DCK: variants seen among roughly 807,000 people sequenced by gnomAD.
DCK encodes deoxycytidine kinase.
Under a neutral mutation model 38.3 loss-of-function variants are expected in DCK, and 23 were observed. The observed-to-expected ratio is 0.60, with a 90% CI of 0.43 to 0.85. The LOEUF (loss-of-function observed/expected upper bound fraction) is 0.85. DCK is among the 40% of genes least tolerant of loss of function. The pLI is 0.00. For synonymous variants in DCK, 108 were observed against 100.6 expected, an observed-to-expected ratio of 1.07 and a Z score of -0.44; for missense variants, 259 against 304.4, an observed-to-expected ratio of 0.85 and a Z score of 1.11.
chr4:71,014,293 G>A (rs968923796), intron 2 of DCK, among the ~76,000 whole-genome samples: 2 of 152,138 alleles, frequency 1.3e-5, no homozygotes, highest in Non-Finnish European at 2.9e-5. Flanking sequence ...CCTACAAAGA[G>A]ACTTAGACTC....
chr4:71,017,187 C>T (rs569710723), intron 2 of DCK, among the ~76,000 whole-genome samples: 1 of 152,226 alleles, frequency 6.6e-6, no homozygotes, highest in African/African-American at 2.4e-5. Context: ...AAATGCTCAT[C>T]ATCACTGGCC....
chr4:71,007,398 CGA>C (rs1739972043), intron 2 of DCK, among the ~76,000 whole-genome samples: 1 of 152,128 alleles, frequency 6.6e-6, no homozygotes, highest in Admixed American at 6.6e-5. Flanking sequence ...TCAAGAAATA[CGA>C]CATCATCATT....
intron 2 of DCK, among the ~76,000 whole-genome samples, chr4:71,017,915 A>G (rs1740313723): frequency 6.6e-6 from 1 of 152,160 alleles, no homozygotes; most frequent in Admixed American, 6.5e-5. Flanking sequence ...GTACCCAAGA[A>G]CTTAAAGTAT....
intron 2 of DCK, among the ~76,000 whole-genome samples, chr4:71,007,580 T>A (rs1357120830): frequency 1.3e-5 from 2 of 152,260 alleles, no homozygotes; most frequent in East Asian, 3.8e-4. Context: ...TGTCTATTTT[T>A]GAATGTTATA....
intron 2 of DCK, among the ~76,000 whole-genome samples, chr4:71,003,379 T>C (rs2148913200): frequency 6.6e-6 from 1 of 152,372 alleles, no homozygotes; most frequent in Non-Finnish European, 1.5e-5. Flanking sequence ...TCTCTCTGGC[T>C]GCGCTTAACA....
intron 2 of DCK, among the ~76,000 whole-genome samples, chr4:71,019,634 A>T (rs201590802): frequency 6.6e-6 from 1 of 152,168 alleles, no homozygotes; most frequent in Non-Finnish European, 1.5e-5. Flanking sequence ...TTTAAAACAT[A>T]TCATCTAAAA....
In DCK at chr4:70,993,650, G is replaced by C. The variant is rs1248542807; in HGVS notation, c.-186G>C. The C allele has an allele frequency of 1.8e-5, 9 of 504,998 alleles. No individual in the cohort carries two copies. Among genetic ancestry groups the C allele is most frequent in the African/African-American group, 6.1e-5 (3 of 48,884 alleles). 31.3% of individuals were successfully genotyped at this position (504,998 alleles called of 1,614,324 possible). The stretch of plus-strand genomic sequence containing the variant: ...GCGGGGCCGCCCCGCAGGCCCGCCA[G>C]TGTCCTCAGCTGCCTCCGCGCGCCA... On this transcript the variant is annotated 5_prime_UTR_variant, in exon 1 of 7. Transcript: ENST00000286648.
At chr4:70,999,411 C>T (rs1739732900) in intron 2 of DCK, among the ~76,000 whole-genome samples, 1 of 152,140 alleles carries the variant, frequency 6.6e-6, no homozygotes, top group African/African-American at 2.4e-5. Context: ...TTTGTTTATC[C>T]AGTCTATCAT....
At chr4:71,009,505 T>C (rs1043413203) in intron 2 of DCK, among the ~76,000 whole-genome samples, 2 of 152,238 alleles carry the variant, frequency 1.3e-5, no homozygotes, top group African/African-American at 2.4e-5. Flanking sequence ...CTGATATCCA[T>C]GTTTATGGGA....
chr4:71,025,932 G>A lies in DCK; in HGVS notation c.665+1G>A. 6.4e-7 allele frequency: 1 copy of A among 1,574,096 alleles called. No homozygotes were observed. The highest frequency in any genetic ancestry group is 8.6e-7 in the Non-Finnish European group (1 of 1,166,290). On this transcript the variant is annotated splice_donor_variant, in intron 5 of 6. Transcript: ENST00000286648. LOFTEE classifies it high-confidence loss of function. ...GCTGGCTCCTGCATAGGACACTGAA[G>A]TAAGACTTATTTTTATTTACTATTC...
At chr4:71,016,317 G>A (rs543324082) in intron 2 of DCK, among the ~76,000 whole-genome samples, 2 of 152,056 alleles carry the variant, frequency 1.3e-5, no homozygotes, top group African/African-American at 2.4e-5. Flanking sequence ...TTTCATGCTC[G>A]TGGATAGGAA....
chr4:70,993,929 A>T lies in DCK; in HGVS notation c.91+3A>T. On this transcript the variant is annotated splice_donor_region_variant and intron_variant, in intron 1 of 6. Transcript: ENST00000286648. ...AATCTCCATCGAAGGGAACATCGGT[A>T]AGGAGCCTCCGGAAATGTGGGACGC... 1 of 1,608,158 alleles carries T rather than the reference A, an allele frequency of 6.2e-7. No individual in the cohort carries two copies. Among genetic ancestry groups the T allele is most frequent in the South Asian group, 1.1e-5 (1 of 90,864 alleles).
At chr4:71,001,620 C>CT (rs1560679783) in intron 2 of DCK, among the ~76,000 whole-genome samples, 4 of 151,736 alleles carry the variant, frequency 2.6e-5, no homozygotes, top group Admixed American at 6.6e-5. Flanking sequence ...TGGTCCTGGG[C>CT]TTTTTTTTGG....
chr4:71,013,422 C>T (rs1242651530), intron 2 of DCK, among the ~76,000 whole-genome samples: 1 of 152,130 alleles, frequency 6.6e-6, no homozygotes, highest in African/African-American at 2.4e-5. Context: ...CACAAAGATA[C>T]TCCTCGAGAA....
intron 2 of DCK, among the ~76,000 whole-genome samples, chr4:71,011,606 C>T (rs7689110): frequency 0.024 from 3,584 of 152,206 alleles, 141 homozygotes; most frequent in African/African-American, 0.08. Flanking sequence ...AATCCGCCTG[C>T]CTCGGCCTCC....
In DCK at chr4:71,029,642, A is replaced by C. The variant is rs1740639038; in HGVS notation, c.*264A>C. The C allele has an allele frequency of 5.3e-6, 2 of 379,776 alleles. No homozygotes were observed. The highest frequency in any genetic ancestry group is 9.4e-6 in the Non-Finnish European group (2 of 211,808). The allele number at this position is 379,776 out of a possible 1,614,324, so 23.5% of individuals were successfully genotyped here. ...TGTAGAGGTAGATGGTTCCAGTATC[A>C]GCATAGTGACTAAACTACATTATAA... is the stretch of plus-strand genomic sequence containing the variant. On this transcript the variant is annotated 3_prime_UTR_variant, in exon 7 of 7. Coordinates refer to ENST00000286648, the MANE Select transcript of DCK (RefSeq NM_000788.3).
At chr4:71,022,065 A>G (rs1463330362) in intron 2 of DCK, among the ~76,000 whole-genome samples, 1 of 152,224 alleles carries the variant, frequency 6.6e-6, no homozygotes, top group African/African-American at 2.4e-5. Flanking sequence ...GCTTTTAAAT[A>G]TTGACAATAC....
rs142729000 is a variant in DCK at position 71,019,192 on chromosome 4, A to G, written c.208-3175A>G. On this transcript the variant is annotated intron_variant, in intron 2 of 6. Transcript: ENST00000286648. ...TCTTCATAGCTGAAAATTCTATTTC[A>G]GATTTTTGATTCAGTTTGAATTTAC... 4.2e-3 allele frequency among the ~76,000 whole-genome samples: 640 copies of G among 152,268 alleles called. 4 individuals are homozygous for G. Among genetic ancestry groups the G allele is most frequent in the African/African-American group, 0.015 (615 of 41,572 alleles).
chr4:71,028,911 CTA>C (rs1740612645), intron 6 of DCK, among the ~76,000 whole-genome samples: 1 of 152,248 alleles, frequency 6.6e-6, no homozygotes, highest in Admixed American at 6.5e-5. Flanking sequence ...GCATGTGCCA[CTA>C]TGCCCGGCTA....
Sources: allele counts gnomAD v4.1 joint callset (sites outside exome capture counted in the v4.1 genomes callset), GRCh38; gene constraint gnomAD v4.1.1; transcripts MANE v1.5; gene names NCBI Gene and HGNC (gene_info 2026-07-23, HGNC 2026-07-21).